CCL23: variants seen among roughly 807,000 people sequenced by gnomAD.
The protein encoded by CCL23 is C-C motif chemokine ligand 23.
Under a neutral mutation model 11.8 loss-of-function variants are expected in CCL23, and 10 were observed. The ratio of observed to expected loss-of-function variants is 0.84; its 90% confidence interval spans 0.52 to 1.43. The LOEUF is 1.43. Among genes scored for constraint, CCL23 ranks in the 40% most tolerant of loss-of-function variants. The probability of loss-of-function intolerance (pLI) is 0.00; values close to 1 mark genes in which losing one functional copy is unlikely to be tolerated. For synonymous variants in CCL23, 60 were observed against 61.0 expected (o/e 0.98, Z 0.07); for missense variants, 181 against 170.9 (o/e 1.06, Z -0.33).
At chr17:36,013,679 T>C in intron 3 of CCL23, 65 bp downstream of exon 3, 1 of 1,520,314 alleles carries the variant, frequency 6.6e-7, no homozygotes, top group East Asian at 2.3e-5. Context: ...GTCTATCAGG[T>C]CCTCCCTGCA....
intron 1 of CCL23, among the ~76,000 whole-genome samples, chr17:36,017,183 A>G (rs2142026947): frequency 6.6e-6 from 1 of 152,288 alleles, no homozygotes; most frequent in South Asian, 2.1e-4. Flanking sequence ...CAATAATAAT[A>G]ATATGAAAAA....
chr17:36,014,560 T>G (rs571342332), intron 1 of CCL23, among the ~76,000 whole-genome samples, 167 bp from the exon 2 acceptor site: 1 of 152,288 alleles, frequency 6.6e-6, no homozygotes, highest in African/African-American at 2.4e-5. Flanking sequence ...CATTTATTCC[T>G]TTAGGGCCCT....
At chr17:36,016,593 T>C (rs2090099438) in intron 1 of CCL23, among the ~76,000 whole-genome samples, 1 of 152,118 alleles carries the variant, frequency 6.6e-6, no homozygotes, top group Non-Finnish European at 1.5e-5. Context: ...TTTGGGTTGG[T>C]TTCAAGTCTT....
At chr17:36,015,153 C>T (rs985545773) in intron 1 of CCL23, among the ~76,000 whole-genome samples, 4 of 152,104 alleles carry the variant, frequency 2.6e-5, no homozygotes, top group African/African-American at 7.2e-5. Context: ...CTATCTGTGT[C>T]GTGTCTCTGT....
rs1253365209 is a variant in CCL23 at position 36,017,894 on chromosome 17, T to A, written c.4A>T (p.Lys2Ter). The A allele has an allele frequency of 1.9e-6, 3 of 1,613,660 alleles. No individual in the cohort carries two copies. In the Admixed American group the frequency reaches 5.0e-5, roughly 27 times the overall value. M[K>*]VSVAALSCLM... ...CAGGAGAGGGCAGCCACGGAGACCTTCATCCTCCTGGTGGGCAGGCAGGGC... is the reference window on the plus strand; with the variant it reads ...CAGGAGAGGGCAGCCACGGAGACCTACATCCTCCTGGTGGGCAGGCAGGGC... Residue 2 changes from lysine (K) to a stop codon, truncating the protein, a stop_gained, in exon 1 of 4, where the codon AAG becomes TAG. Transcript: ENST00000615050. LOFTEE classifies it high-confidence loss of function.
chr17:36,017,547 T>C (rs1430932262), intron 1 of CCL23, among the ~76,000 whole-genome samples: 1 of 152,200 alleles, frequency 6.6e-6, no homozygotes, highest in African/African-American at 2.4e-5. Flanking sequence ...ATCTAGCACT[T>C]AATAGTCCTA....
Position 36,014,380 on chromosome 17 carries a change from C to T in CCL23, c.90G>A (p.Glu30=), listed in dbSNP as rs1254144442. The T allele has an allele frequency of 6.2e-7, 1 of 1,613,434 alleles. No individual in the cohort carries two copies. Among genetic ancestry groups the T allele is most frequent in the Non-Finnish European group, 8.5e-7 (1 of 1,179,316 alleles). ...CCAATGGAAGCTTTGACATCATGAA[C>T]TCTGTCTCTGCATCTGGAAGAAGCA... ...QARVTKDAET[E]FMMSKLPLEN... Residue 30 remains glutamate (E), a synonymous_variant, in exon 2 of 4, where the codon GAG becomes GAA. Transcript: ENST00000615050.
intron 1 of CCL23, among the ~76,000 whole-genome samples, chr17:36,016,133 T>C (rs992158835): frequency 6.6e-6 from 1 of 151,400 alleles, no homozygotes; most frequent in Non-Finnish European, 1.5e-5. Flanking sequence ...AACTATTAAA[T>C]AGACTTTTTC....
chr17:36,013,250 C>G lies in CCL23; in HGVS notation c.361G>C (p.Val121Leu). 1 of 1,613,958 alleles carries G rather than the reference C, an allele frequency of 6.2e-7. No homozygotes were observed. The highest frequency in any genetic ancestry group is 8.5e-7 in the Non-Finnish European group (1 of 1,179,910). The change falls in exon 4 of 4, where the codon GTT (valine) becomes CTT (leucine). Residue 121 changes from valine to leucine, a missense_variant. Coordinates refer to ENST00000615050, the MANE Select transcript of CCL23 (RefSeq NM_005064.6). ...CANPSDKQVQ[V>L]CMRMLKLDTR... is the part of the protein sequence containing the mutation. ...TCCAGCTTCAGCATTCTCATGCAAA[C>G]CTGAACTTGCTTATCACTGGGGTTG... is the stretch of plus-strand genomic sequence containing the variant.
chr17:36,015,758 C>T (rs535953747), intron 1 of CCL23, among the ~76,000 whole-genome samples: 1 of 152,200 alleles, frequency 6.6e-6, no homozygotes, highest in Admixed American at 6.5e-5. Flanking sequence ...AAAATTTGGC[C>T]GGGTGCGGTG....
intron 1 of CCL23, among the ~76,000 whole-genome samples, chr17:36,016,710 T>G (rs1195032732): frequency 6.7e-6 from 1 of 149,550 alleles, no homozygotes; most frequent in East Asian, 1.9e-4. Flanking sequence ...TTAATATAAT[T>G]TAATGACTAT....
chr17:36,014,279 T>C, intron 2 of CCL23, 55 bp downstream of exon 2: 1 of 1,259,416 alleles, frequency 7.9e-7, no homozygotes, highest in Non-Finnish European at 1.2e-6. Flanking sequence ...GATCCCATAG[T>C]GCAGACCTGC....
At position 36,014,535 on chromosome 17, in the gene CCL23, G is replaced by A. The variant is rs528326024; in HGVS notation, c.77-142C>T. 42 of 680,758 alleles carry A rather than the reference G, an allele frequency of 6.2e-5. No homozygotes were observed. The East Asian group carries it at 1.1e-3, about 18-fold the overall frequency. The allele number at this position is 680,758 out of a possible 1,614,324, so 42.2% of individuals were successfully genotyped here. On this transcript the variant is annotated intron_variant, in intron 1 of 3. Coordinates refer to ENST00000615050, the MANE Select transcript of CCL23 (RefSeq NM_005064.6). The stretch of plus-strand genomic sequence containing the variant: ...CCACCACCACCTGTCTGGGCTCTAG[G>A]CCTGACTCCTGGCCCATTTATTCCT...
intron 3 of CCL23, 167 bp downstream of exon 3, chr17:36,013,577 G>C (rs1333796669): frequency 1.5e-6 from 1 of 659,790 alleles, no homozygotes; most frequent in African/African-American, 1.8e-5. Flanking sequence ...CCCCCTGGGA[G>C]TGTCTCATCC....
In CCL23 at chr17:36,016,405, C is replaced by T. The variant is rs555695411; in HGVS notation, c.76+1417G>A. On this transcript the variant is annotated intron_variant, in intron 1 of 3. Transcript: ENST00000615050. Reference sequence around the variant, plus strand: ...ATTCTCAGTGTTCAACTCCCACTTACGAGTGAGAACATGTGGTGTTTGGCT... The same window carrying T: ...ATTCTCAGTGTTCAACTCCCACTTATGAGTGAGAACATGTGGTGTTTGGCT... Among the ~76,000 whole-genome samples, 21 of 152,172 alleles carry T rather than the reference C, an allele frequency of 1.4e-4. 1 individual carries two copies. The highest frequency in any genetic ancestry group is 4.6e-4 in the African/African-American group (19 of 41,522).
At chr17:36,013,369 G>A (rs770942461) in intron 3 of CCL23, 61 bp from the exon 4 acceptor site, 48 of 1,096,102 alleles carry the variant, frequency 4.4e-5, no homozygotes, top group Middle Eastern at 4.1e-4. Flanking sequence ...GGGGACAGGG[G>A]GCCCCATTCT....
At chr17:36,017,788 C>A in intron 1 of CCL23, 34 bp downstream of exon 1, 2 of 1,600,260 alleles carry the variant, frequency 1.2e-6, no homozygotes, top group South Asian at 2.2e-5. Context: ...TTACCATGAA[C>A]CTGGTCATCT....
intron 1 of CCL23, among the ~76,000 whole-genome samples, chr17:36,017,380 G>A (rs1375861617): frequency 2.0e-5 from 3 of 152,102 alleles, no homozygotes; most frequent in Non-Finnish European, 4.4e-5. Flanking sequence ...AAAAAAATAC[G>A]ATGGTTAGGT....
chr17:36,013,821 G>A lies in CCL23; in HGVS notation c.225C>T (p.Tyr75=). The change falls in exon 3 of 4, where the codon TAC becomes TAT. Residue 75 remains tyrosine, a synonymous_variant. Coordinates refer to ENST00000615050, the MANE Select transcript of CCL23 (RefSeq NM_005064.6). The part of the protein sequence containing the change: ...HATSADCCIS[Y]TPRSIPCSLL... Reference sequence around the variant, plus strand: ...GTGAACACGGGATGCTTCGTGGGGTGTAGGAGATGCAGCAGTCAGCACTAG... The same window carrying A: ...GTGAACACGGGATGCTTCGTGGGGTATAGGAGATGCAGCAGTCAGCACTAG... 1 of 1,614,162 alleles carries A rather than the reference G, an allele frequency of 6.2e-7. No individual in the cohort carries two copies. Among genetic ancestry groups the A allele is most frequent in the African/African-American group, 1.3e-5 (1 of 75,072 alleles).
Sources: allele counts gnomAD v4.1 joint callset (sites outside exome capture counted in the v4.1 genomes callset), GRCh38; gene constraint gnomAD v4.1.1; transcripts MANE v1.5; gene names NCBI Gene and HGNC (gene_info 2026-07-23, HGNC 2026-07-21).